Variants in PROB1 observed in about 807,000 individuals in gnomAD.
The protein encoded by PROB1 is proline rich basic protein 1.
For missense variants in PROB1, 1,453 were observed against 1,485.7 expected (o/e 0.98, Z 0.36); for synonymous variants, 660 against 699.3 (o/e 0.94, Z 0.89).
In PROB1 at chr5:139,394,405, G is replaced by T; in HGVS notation, c.677C>A (p.Pro226Gln). Reference sequence around the variant, plus strand: ...GGTGCGCAGGAGCAGCCGGGGGCGCGGCGCGCCGGCCGCCCTTGGGGGACT... The same window carrying T: ...GGTGCGCAGGAGCAGCCGGGGGCGCTGCGCGCCGGCCGCCCTTGGGGGACT... ...PQSPPRAAGAPRPRLLLRTGS... is the reference protein window; with the variant it reads ...PQSPPRAAGAQRPRLLLRTGS... The change falls in exon 1 of 1, where the codon CCG (proline) becomes CAG (glutamine). Residue 226 changes from proline (P) to glutamine (Q), a missense_variant. Pro to Gln is a moderately conservative substitution (Grantham distance 76). Coordinates refer to ENST00000434752, the MANE Select transcript of PROB1 (RefSeq NM_001161546.2). 1 of 1,389,686 alleles carries T rather than the reference G, an allele frequency of 7.2e-7. No individual in the cohort carries two copies. The highest frequency in any genetic ancestry group is 1.6e-5 in the South Asian group (1 of 61,272). 86.1% of individuals were successfully genotyped at this position (1,389,686 alleles called of 1,614,324 possible).
At position 139,392,712 on chromosome 5, in the gene PROB1, G is replaced by C. The variant is rs1165097566; in HGVS notation, c.2370C>G (p.Pro790=). The change falls in exon 1 of 1, where the codon CCC becomes CCG. Residue 790 remains proline, a synonymous_variant. Transcript: ENST00000434752. This position sits in a 1 kb window ranked among gnomAD's most constrained non-coding sequence, Gnocchi z 5.8. ...GGARSSSQRS[P]VGPAGVRSPR... Reference sequence around the variant, plus strand: ...GCGATCGGACCCCTGCTGGCCCTACGGGGGAGCGCTGGGATGAGCTGCGGG... The same window carrying C: ...GCGATCGGACCCCTGCTGGCCCTACCGGGGAGCGCTGGGATGAGCTGCGGG... 6 of 1,406,418 alleles carry C rather than the reference G, an allele frequency of 4.3e-6. No homozygotes were observed. In the South Asian group the frequency reaches 6.4e-5, roughly 15 times the overall value. 87.1% of individuals were successfully genotyped at this position (1,406,418 alleles called of 1,614,324 possible). A position where few individuals can be genotyped will look rare whatever the true frequency, so the allele number is the denominator to read the frequency against.
In PROB1 at chr5:139,394,256, G is replaced by A. The variant is rs1161243522; in HGVS notation, c.826C>T (p.Arg276Trp). The change falls in exon 1 of 1, where the codon CGG (arginine) becomes TGG (tryptophan). Residue 276 changes from arginine (R) to tryptophan (W), a missense_variant. Arg to Trp is a moderately radical substitution (Grantham distance 101). Transcript: ENST00000434752. ...GTTTCCCGGGTCTCAGGTTCCGACC[G>A]CCCCGTGGACCCGAAGGTGGCGCTG... ...PSSATFGSTG[R>W]SEPETRETAR... The A allele has an allele frequency of 2.6e-6, 4 of 1,545,702 alleles. No individual in the cohort carries two copies. Among genetic ancestry groups the A allele is most frequent in the Non-Finnish European group, 2.6e-6 (3 of 1,144,100 alleles).
chr5:139,394,276 G>A lies in PROB1; in HGVS notation c.806C>T (p.Ala269Val). 1.3e-6 allele frequency: 2 copies of A among 1,540,984 alleles called. No homozygotes were observed. The highest frequency in any genetic ancestry group is 4.0e-5 in the Admixed American group (2 of 49,916). The part of the protein sequence containing the change: ...LSPEAPAPSS[A>V]TFGSTGRSEP... ...CGACCGCCCCGTGGACCCGAAGGTG[G>A]CGCTGCTCGGGGCCGGGGCCTCGGG... is the stretch of plus-strand genomic sequence containing the variant. Residue 269 changes from alanine (A) to valine (V), a missense_variant, in exon 1 of 1, where the codon GCC (alanine) becomes GTC (valine). Physicochemically the swap from Ala to Val is moderately conservative, Grantham distance 64 (BLOSUM62 0). Transcript: ENST00000434752.
In PROB1 at chr5:139,392,324, G is replaced by A; in HGVS notation, c.2758C>T (p.Pro920Ser). ...SGQYVEVLLP[P>S]SSPGPPHRVY... The stretch of plus-strand genomic sequence containing the variant: ...CGGTGGGGCGGCCCGGGAGACGAGG[G>A]CGGCAGCAACACCTCCACGTACTGC... Residue 920 changes from proline to serine, a missense_variant, in exon 1 of 1, where the codon CCC (proline) becomes TCC (serine). Pro to Ser is a moderately conservative substitution (Grantham distance 74, BLOSUM62 -1). Coordinates refer to ENST00000434752, the MANE Select transcript of PROB1 (RefSeq NM_001161546.2). This position sits in a 1 kb window ranked among gnomAD's most constrained non-coding sequence, Gnocchi z 5.8. 1 of 1,513,052 alleles carries A rather than the reference G, an allele frequency of 6.6e-7. No homozygotes were observed. The highest frequency in any genetic ancestry group is 8.9e-7 in the Non-Finnish European group (1 of 1,128,780). 93.7% of individuals were successfully genotyped at this position (1,513,052 alleles called of 1,614,324 possible). A position where few individuals can be genotyped will look rare whatever the true frequency, so the allele number is the denominator to read the frequency against.
chr5:139,394,516 A>T lies in PROB1; in HGVS notation c.566T>A (p.Val189Glu). 4.1e-6 allele frequency: 6 copies of T among 1,453,102 alleles called. No homozygotes were observed. Among genetic ancestry groups the T allele is most frequent in the Non-Finnish European group, 4.5e-6 (5 of 1,110,982 alleles). The allele number at this position is 1,453,102 out of a possible 1,614,324, so 90.0% of individuals were successfully genotyped here. A position where few individuals can be genotyped will look rare whatever the true frequency, so the allele number is the denominator to read the frequency against. ...GGCGCCCTCCTCCAGAGCCACCTCC[A>T]CACACTCGAACTGCGCTGGGGCGGC... ...SPAAPAQFEC[V>E]EVALEEGAAP... Residue 189 changes from valine (V) to glutamate (E), a missense_variant, in exon 1 of 1, where the codon GTG becomes GAG. By Grantham distance (121) the Val-to-Glu change is moderately radical (BLOSUM62 -2). Transcript: ENST00000434752.
Position 139,395,015 on chromosome 5 carries a change from G to C in PROB1, c.67C>G (p.Arg23Gly), listed in dbSNP as rs1581397204. The change falls in exon 1 of 1, where the codon CGG (arginine) becomes GGG (glycine). Residue 23 changes from arginine to glycine, a missense_variant. Transcript: ENST00000434752. The part of the protein sequence containing the change: ...IPRQLPTAPA[R>G]RQDSSGSSGS... ...GACGAACCGGAGGAGTCCTGGCGCC[G>C]CGCGGGGGCCGTGGGCAGCTGCCTC... The C allele has an allele frequency of 1.4e-6, 2 of 1,461,470 alleles. No homozygotes were observed. Among genetic ancestry groups the C allele is most frequent in the African/African-American group, 3.0e-5 (2 of 66,802 alleles). 90.5% of individuals were successfully genotyped at this position (1,461,470 alleles called of 1,614,324 possible). A position where few individuals can be genotyped will look rare whatever the true frequency, so the allele number is the denominator to read the frequency against.
rs773737781 is a variant in PROB1 at position 139,394,121 on chromosome 5, G to C, written c.961C>G (p.Arg321Gly). ...APRPWPSLRE[R>G]AIRRDKPAPG... ...GCAGGCTTGTCGCGCCGAATCGCGC[G>C]CTCGCGGAGGCTGGGCCACGGCCTC... is the stretch of plus-strand genomic sequence containing the variant. The change falls in exon 1 of 1, where the codon CGC becomes GGC. Residue 321 changes from arginine (R) to glycine (G), a missense_variant. Physicochemically the swap from Arg to Gly is moderately radical, Grantham distance 125. Coordinates refer to ENST00000434752, the MANE Select transcript of PROB1 (RefSeq NM_001161546.2). 4.5e-5 allele frequency: 70 copies of C among 1,547,542 alleles called. No homozygotes were observed. Among genetic ancestry groups the C allele is most frequent in the Non-Finnish European group, 6.0e-5 (69 of 1,145,366 alleles).
rs552035671 is a variant in PROB1 at position 139,395,094 on chromosome 5, C to G, written c.-13G>C. 1.4e-6 allele frequency: 2 copies of G among 1,392,520 alleles called. No individual in the cohort carries two copies. Among genetic ancestry groups the G allele is most frequent in the African/African-American group, 1.5e-5 (1 of 65,014 alleles). The allele number at this position is 1,392,520 out of a possible 1,614,324, so 86.3% of individuals were successfully genotyped here. On this transcript the variant is annotated 5_prime_UTR_variant, in exon 1 of 1. Transcript: ENST00000434752. ...GCGCGGTCAGCATGGTGGGGCCGGA[C>G]GCCGTGCACTATCTCCCTCGCATTC...
chr5:139,392,698 C>G lies in PROB1; in HGVS notation c.2384G>C (p.Gly795Ala), dbSNP rs2152076542. 3.6e-6 allele frequency: 5 copies of G among 1,391,826 alleles called. No individual in the cohort carries two copies. In the South Asian group the frequency reaches 5.0e-5, roughly 14 times the overall value. The allele number at this position is 1,391,826 out of a possible 1,614,324, so 86.2% of individuals were successfully genotyped here. The change falls in exon 1 of 1, where the codon GGG becomes GCG. Residue 795 changes from glycine to alanine, a missense_variant. Transcript: ENST00000434752. This position sits in a 1 kb window ranked among gnomAD's most constrained non-coding sequence, Gnocchi z 5.8. ...SSQRSPVGPA[G>A]VRSPRPGSPQ... ...GGAGCCGGGGCGGGGCGATCGGACC[C>G]CTGCTGGCCCTACGGGGGAGCGCTG...
In PROB1 at chr5:139,392,005, T is replaced by TCCAA. The variant is rs1330190510; in HGVS notation, c.*25_*28dup. The TCCAA allele has an allele frequency of 7.4e-7, 1 of 1,351,202 alleles. No individual in the cohort carries two copies. Among genetic ancestry groups the TCCAA allele is most frequent in the Non-Finnish European group, 9.6e-7 (1 of 1,045,452 alleles). The allele number at this position is 1,351,202 out of a possible 1,614,324, so 83.7% of individuals were successfully genotyped here. ...CAGAACCTCCCAGGCATCCAAGGGC[T>TCCAA]CCAACTCCATGGGGATCGGCCCGGG... is the stretch of plus-strand genomic sequence containing the variant. On this transcript the variant is annotated 3_prime_UTR_variant, in exon 1 of 1. Transcript: ENST00000434752. The surrounding 1 kb of genome is among the most constrained non-coding windows in gnomAD (Gnocchi z 5.8).
Position 139,393,351 on chromosome 5 carries a change from C to G in PROB1, c.1731G>C (p.Gly577=). Residue 577 remains glycine, a synonymous_variant, in exon 1 of 1, where the codon GGG becomes GGC. Coordinates refer to ENST00000434752, the MANE Select transcript of PROB1 (RefSeq NM_001161546.2). ...CTGCTACCTCTGGGGACTGCTGACT[C>G]CCTCCAAAGGCAAGATCTGAAATTT... ...TREISDLAFG[G]SQQSPEVAAP... 6.4e-7 allele frequency: 1 copy of G among 1,551,420 alleles called. No individual in the cohort carries two copies. Among genetic ancestry groups the G allele is most frequent in the Non-Finnish European group, 8.7e-7 (1 of 1,147,000 alleles).
chr5:139,394,959 C>T lies in PROB1; in HGVS notation c.123G>A (p.Pro41=), dbSNP rs1758672066. The change falls in exon 1 of 1, where the codon CCG becomes CCA. Residue 41 remains proline (P), a synonymous_variant. Transcript: ENST00000434752. ...CGTCCGGCCCAACGTCCGGGGGCTC[C>T]GGAGAACCTGGAGCCGTGTAGTAGG... ...SGSYYTAPGS[P]EPPDVGPDAK... is the part of the protein sequence containing the mutation. The T allele has an allele frequency of 2.0e-6, 3 of 1,521,474 alleles. No individual in the cohort carries two copies. The highest frequency in any genetic ancestry group is 1.4e-5 in the African/African-American group (1 of 69,130). The allele number at this position is 1,521,474 out of a possible 1,614,324, so 94.2% of individuals were successfully genotyped here. A position where few individuals can be genotyped will look rare whatever the true frequency, so the allele number is the denominator to read the frequency against.
Position 139,393,021 on chromosome 5 carries a change from A to G in PROB1, c.2061T>C (p.Phe687=), listed in dbSNP as rs1331084803. Residue 687 remains phenylalanine, a synonymous_variant, in exon 1 of 1, where the codon TTT becomes TTC. Transcript: ENST00000434752. ...CGTAGGGGTGCGGCACCACCGGTAG[A>G]AAATCCTTGATGAAAACGGAAGTGT... is the stretch of plus-strand genomic sequence containing the variant. ...AHYTSVFIKD[F]LPVVPHPYEP... is the part of the protein sequence containing the mutation. The G allele has an allele frequency of 1.3e-6, 2 of 1,524,108 alleles. No homozygotes were observed. Among genetic ancestry groups the G allele is most frequent in the South Asian group, 2.5e-5 (2 of 80,946 alleles). The allele number at this position is 1,524,108 out of a possible 1,614,324, so 94.4% of individuals were successfully genotyped here. A position where few individuals can be genotyped will look rare whatever the true frequency, so the allele number is the denominator to read the frequency against.
rs1758615202 is a variant in PROB1, at chr5:139,392,503, T to G, written c.2579A>C (p.Asp860Ala). ...CTGGGAGGGGCTTTGCGGGGACCGG[T>G]CCGTGGGAGGCGCCGAGGCAGCGCG... is the stretch of plus-strand genomic sequence containing the variant. ...QPRAASAPPT[D>A]RSPQSPSQGA... Residue 860 changes from aspartate to alanine, a missense_variant, in exon 1 of 1, where the codon GAC (aspartate) becomes GCC (alanine). Transcript: ENST00000434752. This position sits in a 1 kb window ranked among gnomAD's most constrained non-coding sequence, Gnocchi z 5.8. 7.4e-7 allele frequency: 1 copy of G among 1,347,166 alleles called. No homozygotes were observed. Among genetic ancestry groups the G allele is most frequent in the Non-Finnish European group, 9.5e-7 (1 of 1,054,456 alleles). 83.5% of individuals were successfully genotyped at this position (1,347,166 alleles called of 1,614,324 possible).
rs1190640950 is a variant in PROB1, at chr5:139,393,446, A to G, written c.1636T>C (p.Leu546=). 3 of 1,551,040 alleles carry G rather than the reference A, an allele frequency of 1.9e-6. No homozygotes were observed. Among genetic ancestry groups the G allele is most frequent in the Admixed American group, 3.9e-5 (2 of 50,956 alleles). ...GGTGCGGACGGTGTAGGCGGTGCCAACTCCTCCTGAGTTAACCCATTCTGA... is the reference window on the plus strand; with the variant it reads ...GGTGCGGACGGTGTAGGCGGTGCCAGCTCCTCCTGAGTTAACCCATTCTGA... ...EAQNGLTQEE[L]APPTPSAPGT... The change falls in exon 1 of 1, where the codon TTG becomes CTG. Residue 546 remains leucine (L), a synonymous_variant. Coordinates refer to ENST00000434752, the MANE Select transcript of PROB1 (RefSeq NM_001161546.2).
chr5:139,393,527 G>A lies in PROB1; in HGVS notation c.1555C>T (p.Gln519Ter). ...RPIGTWGPSP[Q>*]ETWDPMGPGS... ...GGCCCCATGGGATCCCATGTCTCTT[G>A]GGGAGATGGGCCCCAAGTTCCAATA... Residue 519 changes from glutamine (Q) to a stop codon, truncating the protein, a stop_gained, in exon 1 of 1, where the codon CAA becomes TAA. Coordinates refer to ENST00000434752, the MANE Select transcript of PROB1 (RefSeq NM_001161546.2). LOFTEE classifies it low-confidence loss of function (END_TRUNC). 6.4e-7 allele frequency: 1 copy of A among 1,551,376 alleles called. No individual in the cohort carries two copies. The highest frequency in any genetic ancestry group is 8.7e-7 in the Non-Finnish European group (1 of 1,146,882).
At position 139,391,341 on chromosome 5, in the gene PROB1, C is replaced by G. The variant is rs1333195582; in HGVS notation, c.*693G>C. 1 of 152,312 alleles carries G rather than the reference C, an allele frequency of 6.6e-6. No homozygotes were observed. The highest frequency in any genetic ancestry group is 1.5e-5 in the Non-Finnish European group (1 of 68,144). 9.4% of individuals were successfully genotyped at this position (152,312 alleles called of 1,614,324 possible). ...AATGAGTCAGCTCAGCTCTGAGGGC[C>G]AGGCTCCCCATCTTCCCACCCCAAG... On this transcript the variant is annotated 3_prime_UTR_variant, in exon 1 of 1. Transcript: ENST00000434752. The surrounding 1 kb of genome is among the most constrained non-coding windows in gnomAD (Gnocchi z 4.8).
chr5:139,395,095 G>A lies in PROB1; in HGVS notation c.-14C>T, dbSNP rs1758675883. On this transcript the variant is annotated 5_prime_UTR_variant, in exon 1 of 1. Coordinates refer to ENST00000434752, the MANE Select transcript of PROB1 (RefSeq NM_001161546.2). Reference sequence around the variant, plus strand: ...CGCGGTCAGCATGGTGGGGCCGGACGCCGTGCACTATCTCCCTCGCATTCG... The same window carrying A: ...CGCGGTCAGCATGGTGGGGCCGGACACCGTGCACTATCTCCCTCGCATTCG... 7.2e-7 allele frequency: 1 copy of A among 1,392,760 alleles called. No homozygotes were observed. Among genetic ancestry groups the A allele is most frequent in the Non-Finnish European group, 9.3e-7 (1 of 1,073,606 alleles). The allele number at this position is 1,392,760 out of a possible 1,614,324, so 86.3% of individuals were successfully genotyped here.
chr5:139,394,893 C>A lies in PROB1; in HGVS notation c.189G>T (p.Arg63=). 2 of 1,511,734 alleles carry A rather than the reference C, an allele frequency of 1.3e-6. No individual in the cohort carries two copies. The highest frequency in any genetic ancestry group is 1.8e-6 in the Non-Finnish European group (2 of 1,131,444). 93.6% of individuals were successfully genotyped at this position (1,511,734 alleles called of 1,614,324 possible). Residue 63 remains arginine (R), a synonymous_variant, in exon 1 of 1, where the codon CGG becomes CGT. Transcript: ENST00000434752. ...PANWPWVAPG[R]GAGAQPRLSV... ...ACAGGCGAGGCTGCGCGCCCGCCCC[C>A]CGCCCAGGAGCCACCCAGGGCCAAT...
Sources: allele counts gnomAD v4.1 joint callset, GRCh38; gene constraint gnomAD v4.1.1; non-coding constraint Gnocchi (gnomAD v3.1); transcripts MANE v1.5; gene names NCBI Gene and HGNC (gene_info 2026-07-23, HGNC 2026-07-21).